ZDHHC5: variants seen among roughly 807,000 people sequenced by gnomAD.
ZDHHC5 encodes palmitoyltransferase ZDHHC5.
Under a neutral mutation model 70.0 loss-of-function variants are expected in ZDHHC5, and 22 were observed. That is an observed-to-expected ratio of 0.31 (90% CI 0.22 to 0.45). ZDHHC5 has a LOEUF of 0.45. ZDHHC5 is among the 20% of genes least tolerant of loss of function. ZDHHC5 has a pLI of 1.00. For missense variants in ZDHHC5, 746 were observed against 926.9 expected (o/e 0.80, Z 2.53); for synonymous variants, 313 against 347.8 (o/e 0.90, Z 1.11).
intron 8 of ZDHHC5, 22 bp downstream of exon 8, chr11:57,693,937 A>G (rs1946317742): frequency 6.3e-7 from 1 of 1,599,110 alleles, no homozygotes; most frequent in Non-Finnish European, 8.5e-7. Context: ...AGAGAAGTCA[A>G]GCTAGATAAC....
intron 1 of ZDHHC5, among the ~76,000 whole-genome samples, chr11:57,669,085 A>G (rs1401358289): frequency 6.6e-6 from 1 of 152,200 alleles, no homozygotes; most frequent in East Asian, 1.9e-4. Context: ...TATCTTCAGA[A>G]TGCTCATTAT....
At chr11:57,677,914 C>T (rs1946092851) in intron 2 of ZDHHC5, among the ~76,000 whole-genome samples, 1 of 152,200 alleles carries the variant, frequency 6.6e-6, no homozygotes, top group African/African-American at 2.4e-5. Context: ...TCACATTCAG[C>T]TGGTTGAAAG....
chr11:57,670,367 A>T (rs1490682612), intron 1 of ZDHHC5, among the ~76,000 whole-genome samples: 1 of 151,864 alleles, frequency 6.6e-6, no homozygotes, highest in Admixed American at 6.6e-5. Context: ...GCTGCTCGGG[A>T]GGCTGAGACA....
intron 2 of ZDHHC5, among the ~76,000 whole-genome samples, chr11:57,677,073 C>G (rs533161891): frequency 6.6e-6 from 1 of 150,666 alleles, no homozygotes; most frequent in East Asian, 2.0e-4. Context: ...AGGCACCCAC[C>G]ACTACACCCG....
intron 3 of ZDHHC5, among the ~76,000 whole-genome samples, chr11:57,687,298 C>T (rs1029421207): frequency 1.5e-4 from 22 of 150,910 alleles, no homozygotes; most frequent in Non-Finnish European, 2.2e-4. Context: ...GCTCTGGGTG[C>T]GGTGGCCCAT....
At chr11:57,677,122 C>T (rs551241200) in intron 2 of ZDHHC5, among the ~76,000 whole-genome samples, 4 of 151,136 alleles carry the variant, frequency 2.6e-5, no homozygotes, top group Admixed American at 2.6e-4. Context: ...GGGGTTTCAC[C>T]GTGTTAGCCA....
intron 1 of ZDHHC5, among the ~76,000 whole-genome samples, chr11:57,670,179 T>G (rs1945986648): frequency 1.3e-5 from 2 of 152,164 alleles, no homozygotes; most frequent in African/African-American, 4.8e-5. Flanking sequence ...AAAGTTTGCT[T>G]TAATAGTACA....
At chr11:57,681,260 A>G (rs1472601510) in intron 2 of ZDHHC5, among the ~76,000 whole-genome samples, 1 of 152,148 alleles carries the variant, frequency 6.6e-6, no homozygotes, top group African/African-American at 2.4e-5. Context: ...ACAGAATCCC[A>G]GACTGCTGTG....
chr11:57,682,286 A>G (rs1946158776), intron 2 of ZDHHC5, 136 bp from the exon 3 acceptor site: 1 of 1,194,062 alleles, frequency 8.4e-7, no homozygotes, highest in Non-Finnish European at 1.1e-6. Context: ...GATAAAGATA[A>G]TAATTTGGGA....
At chr11:57,696,442 G>A (rs775500403) in intron 9 of ZDHHC5, among the ~76,000 whole-genome samples, 2 of 152,140 alleles carry the variant, frequency 1.3e-5, no homozygotes, top group Non-Finnish European at 2.9e-5. Context: ...TAGACTAGAC[G>A]CAGTGGCTCA....
intron 2 of ZDHHC5, among the ~76,000 whole-genome samples, chr11:57,677,196 C>T (rs1378992401): frequency 6.8e-6 from 1 of 147,122 alleles, no homozygotes; most frequent in Non-Finnish European, 1.5e-5. Context: ...GCTGGGATTA[C>T]AGGCGTGAGC....
At chr11:57,698,335 C>T (rs925119024) in intron 10 of ZDHHC5, among the ~76,000 whole-genome samples, 4 of 152,142 alleles carry the variant, frequency 2.6e-5, no homozygotes, top group South Asian at 4.1e-4. Context: ...GTTCTGCCCA[C>T]GGGCGAGATA....
chr11:57,698,435 T>C lies in ZDHHC5; in HGVS notation c.1123-124T>C, dbSNP rs1240287501. 7 of 1,293,214 alleles carry C rather than the reference T, an allele frequency of 5.4e-6. No individual in the cohort carries two copies. In the African/African-American group the frequency reaches 7.4e-5, roughly 14 times the overall value. The allele number at this position is 1,293,214 out of a possible 1,614,324, so 80.1% of individuals were successfully genotyped here. On this transcript the variant is annotated intron_variant, in intron 10 of 11. Coordinates refer to ENST00000287169, the MANE Select transcript of ZDHHC5 (RefSeq NM_015457.3). ...TTTCTTGAGGGATTAACCCAGATAA[T>C]GCATGTAAGAGTTCTAAGCTTATTA...
In ZDHHC5 at chr11:57,688,773, G is replaced by A. The variant is rs534891776; in HGVS notation, c.384+108G>A. ...ATGTGGTATAGTCCTGTCTAACTAC[G>A]TTGGCCACATGGTCCAGCTCTGTCA... On this transcript the variant is annotated intron_variant, in intron 4 of 11. Coordinates refer to ENST00000287169, the MANE Select transcript of ZDHHC5 (RefSeq NM_015457.3). The A allele has an allele frequency of 5.0e-5, 62 of 1,245,176 alleles. 2 individuals are homozygous for A. The South Asian group carries it at 1.2e-3, about 25-fold the overall frequency. 77.1% of individuals were successfully genotyped at this position (1,245,176 alleles called of 1,614,324 possible). A position where few individuals can be genotyped will look rare whatever the true frequency, so the allele number is the denominator to read the frequency against.
chr11:57,672,133 C>T lies in ZDHHC5; in HGVS notation c.-958C>T. The T allele has an allele frequency of 5.0e-6, 2 of 397,494 alleles. No individual in the cohort carries two copies. The highest frequency in any genetic ancestry group is 4.4e-6 in the Non-Finnish European group (1 of 225,664). The allele number at this position is 397,494 out of a possible 1,614,324, so 24.6% of individuals were successfully genotyped here. A position where few individuals can be genotyped will look rare whatever the true frequency, so the allele number is the denominator to read the frequency against. ...GACATCTTTGGAACTTCGTTTTCAT[C>T]CACAGTAAACTTTTGAAGTGTCATC... On this transcript the variant is annotated 5_prime_UTR_variant, in exon 2 of 12. Coordinates refer to ENST00000287169, the MANE Select transcript of ZDHHC5 (RefSeq NM_015457.3).
Position 57,673,008 on chromosome 11 carries a change from C to T in ZDHHC5, c.-83C>T. The T allele has an allele frequency of 7.6e-7, 1 of 1,318,004 alleles. No homozygotes were observed. The allele number at this position is 1,318,004 out of a possible 1,614,324, so 81.6% of individuals were successfully genotyped here. A position where few individuals can be genotyped will look rare whatever the true frequency, so the allele number is the denominator to read the frequency against. Reference sequence around the variant, plus strand: ...TCTTTTGTACTCCTCTCTGTTGCTTCCCTCCTCCCATTTTCTTGTCTGTTC... The same window carrying T: ...TCTTTTGTACTCCTCTCTGTTGCTTTCCTCCTCCCATTTTCTTGTCTGTTC... On this transcript the variant is annotated 5_prime_UTR_variant, in exon 2 of 12. Transcript: ENST00000287169.
chr11:57,678,472 GAGGC>G (rs1332906627), intron 2 of ZDHHC5, among the ~76,000 whole-genome samples: 1 of 151,146 alleles, frequency 6.6e-6, no homozygotes, highest in African/African-American at 2.4e-5. Flanking sequence ...TCGGGAGGCT[GAGGC>G]AGGAAAATGG....
chr11:57,680,211 C>G (rs1209769563), intron 2 of ZDHHC5, among the ~76,000 whole-genome samples: 1 of 152,042 alleles, frequency 6.6e-6, no homozygotes, highest in East Asian at 1.9e-4. Flanking sequence ...ATGGTGAAAC[C>G]CTGTCTCTAC....
chr11:57,669,780 T>A (rs149250539), intron 1 of ZDHHC5, among the ~76,000 whole-genome samples: 9 of 152,364 alleles, frequency 5.9e-5, no homozygotes, highest in Non-Finnish European at 8.8e-5. Context: ...TCTTGTATAC[T>A]TTTTTGATAC....
Sources: allele counts gnomAD v4.1 joint callset (sites outside exome capture counted in the v4.1 genomes callset), GRCh38; gene constraint gnomAD v4.1.1; transcripts MANE v1.5; gene names NCBI Gene and HGNC (gene_info 2026-07-23, HGNC 2026-07-21).